The following CRYBA4 variants were observed in gnomAD, a reference collection of about 807,000 sequenced individuals.
CRYBA4 encodes beta-crystallin A4.
In CRYBA4, 30 loss-of-function variants were observed where a neutral mutation model predicts 31.7. The observed-to-expected ratio is 0.95, with a 90% CI of 0.71 to 1.28. The LOEUF (loss-of-function observed/expected upper bound fraction) is 1.28. CRYBA4 is among the 50% of genes most tolerant of loss of function. The pLI is 0.00. For missense variants in CRYBA4, 225 were observed against 260.7 expected (o/e 0.86, Z 0.94); for synonymous variants, 102 against 102.3 (o/e 1.00, Z 0.02).
chr22:26,623,447 C>T (rs1929606657), intron 3 of CRYBA4, 95 bp downstream of exon 3: 3 of 950,922 alleles, frequency 3.2e-6, no homozygotes, highest in East Asian at 2.4e-5. Flanking sequence ...GGTCCCCTCT[C>T]CCTAGGCTCT....
chr22:26,614,869 T>C, the CRYBA4 span, among the ~76,000 whole-genome samples: 2 of 152,136 alleles, frequency 1.3e-5, no homozygotes, highest in African/African-American at 4.8e-5. Flanking sequence ...TGTGTATGTG[T>C]GTATACATTT....
At chr22:26,597,747 C>T in the CRYBA4 span, among the ~76,000 whole-genome samples, 1 of 152,190 alleles carries the variant, frequency 6.6e-6, no homozygotes, top group South Asian at 2.1e-4. Context: ...TGATGTACCC[C>T]AGCTCCAGGA....
At chr22:26,609,209 A>G in the CRYBA4 span, among the ~76,000 whole-genome samples, 14 of 152,238 alleles carry the variant, frequency 9.2e-5, no homozygotes. Flanking sequence ...ATGATGGGCT[A>G]TCACCATGGG....
chr22:26,601,225 T>C, the CRYBA4 span, among the ~76,000 whole-genome samples: 3 of 152,154 alleles, frequency 2.0e-5, no homozygotes, highest in East Asian at 3.9e-4. Flanking sequence ...GCATGGTCAT[T>C]TGGAGGCAGG....
chr22:26,630,395 G>A lies in CRYBA4; in HGVS notation c.499G>A (p.Asp167Asn), dbSNP rs1379946401. ...AGGATTTCAGTATGTGCTGGAATGC[G>A]ATCACCATTCCGGTGACTACAAACA... is the stretch of plus-strand genomic sequence containing the variant. Reference protein sequence around the residue: ...YRGFQYVLECDHHSGDYKHFR... With the variant: ...YRGFQYVLECNHHSGDYKHFR... Residue 167 changes from aspartate (D) to asparagine (N), a missense_variant, in exon 6 of 6, where the codon GAT (aspartate) becomes AAT (asparagine). Coordinates refer to ENST00000354760, the MANE Select transcript of CRYBA4 (RefSeq NM_001886.3). 5 of 1,614,064 alleles carry A rather than the reference G, an allele frequency of 3.1e-6. No individual in the cohort carries two copies. Among genetic ancestry groups the A allele is most frequent in the African/African-American group, 2.7e-5 (2 of 74,954 alleles).
chr22:26,591,890 T>TAC, the CRYBA4 span, among the ~76,000 whole-genome samples: 9,083 of 135,858 alleles, frequency 0.067, 322 homozygotes, highest in South Asian at 0.084. Flanking sequence ...CCTGGGTGAG[T>TAC]ACACACACAC....
upstream of CRYBA4, chr22:26,617,891 A>G (rs1929409333): frequency 6.6e-6 from 1 of 152,496 alleles, no homozygotes; most frequent in African/African-American, 2.4e-5. Context: ...CTCTCATGGC[A>G]CTGCTATCTC....
chr22:26,627,410 T>TTCTTTC (rs1929757850), intron 4 of CRYBA4, among the ~76,000 whole-genome samples: 1 of 95,600 alleles, frequency 1.0e-5, no homozygotes, highest in Non-Finnish European at 1.9e-5. Flanking sequence ...CTTTCTTTCT[T>TTCTTTC]TCTTTCTTTC....
At chr22:26,629,615 G>A (rs767135441) in intron 5 of CRYBA4, among the ~76,000 whole-genome samples, 2 of 151,584 alleles carry the variant, frequency 1.3e-5, no homozygotes, top group Non-Finnish European at 2.9e-5. Flanking sequence ...TCGTGGCTAT[G>A]CCTCTAGTCC....
chr22:26,590,634 C>A, the CRYBA4 span, among the ~76,000 whole-genome samples: 1 of 152,134 alleles, frequency 6.6e-6, no homozygotes, highest in Non-Finnish European at 1.5e-5. Context: ...ATTTGGCAAT[C>A]TCTGAAGACA....
chr22:26,593,692 A>C, the CRYBA4 span, among the ~76,000 whole-genome samples: 1 of 151,862 alleles, frequency 6.6e-6, no homozygotes, highest in Non-Finnish European at 1.5e-5. Context: ...TGCCTGGCTA[A>C]TTTTTGTATT....
Position 26,630,514 on chromosome 22 carries a change from T to C in CRYBA4, c.*27T>C, listed in dbSNP as rs1275159984. On this transcript the variant is annotated 3_prime_UTR_variant, in exon 6 of 6. Coordinates refer to ENST00000354760, the MANE Select transcript of CRYBA4 (RefSeq NM_001886.3). The stretch of plus-strand genomic sequence containing the variant: ...CAGGGGTGCGGCACGGAGGAGCGCA[T>C]GCGTGCTTATCTGCAATGGAGGCGC... The C allele has an allele frequency of 1.2e-6, 2 of 1,603,266 alleles. No individual in the cohort carries two copies. Among genetic ancestry groups the C allele is most frequent in the Admixed American group, 1.7e-5 (1 of 59,766 alleles).
chr22:26,627,359 C>CCTTTCTTTCTTTCTTTCTTTCTTT (rs1245733367), intron 4 of CRYBA4, among the ~76,000 whole-genome samples: 2 of 41,820 alleles, frequency 4.8e-5, no homozygotes, highest in Non-Finnish European at 8.2e-5. Flanking sequence ...CTCCCTCCCT[C>CCTTTCTTTCTTTCTTTCTTTCTTT]CTTTCTTTCT....
Position 26,628,230 on chromosome 22 carries a change from G to C in CRYBA4, c.301-58G>C, listed in dbSNP as rs1298050196. On this transcript the variant is annotated intron_variant, in intron 4 of 5. Coordinates refer to ENST00000354760, the MANE Select transcript of CRYBA4 (RefSeq NM_001886.3). ...GGCAGGGAGTGTGGAGGCCAGGAGA[G>C]GCTCCTGGGTTTCCAACTGGGAGCC... is the stretch of plus-strand genomic sequence containing the variant. 36 of 1,610,882 alleles carry C rather than the reference G, an allele frequency of 2.2e-5. No individual in the cohort carries two copies. In the Middle Eastern group the frequency reaches 6.6e-4, roughly 30 times the overall value.
At chr22:26,621,943 C>A, upstream of CRYBA4, 1 of 985,620 alleles carries the variant, frequency 1.0e-6, no homozygotes, top group Non-Finnish European at 1.2e-6. Flanking sequence ...AAGAGCCCGA[C>A]CTCGGCTGGT....
the CRYBA4 span, chr22:26,601,970 T>C: frequency 4.3e-6 from 7 of 1,613,734 alleles, no homozygotes; most frequent in Non-Finnish European, 5.9e-6. Context: ...TCTATGGTGT[T>C]GCCCTTGAAG....
Position 26,624,763 on chromosome 22 carries a change from T to C in CRYBA4, c.159-718T>C, listed in dbSNP as rs947959105. Among the ~76,000 whole-genome samples the C allele has an allele frequency of 7.9e-5, 12 of 152,340 alleles. No individual in the cohort carries two copies. In the East Asian group the frequency reaches 2.1e-3, roughly 27 times the overall value. On this transcript the variant is annotated intron_variant, in intron 3 of 5. Coordinates refer to ENST00000354760, the MANE Select transcript of CRYBA4 (RefSeq NM_001886.3). ...GTGCAGCCTCCTGTGTCCCTTGTCC[T>C]ACTGGACGACACCAAAACAAAGGGG...
chr22:26,597,006 G>A, the CRYBA4 span, among the ~76,000 whole-genome samples: 7 of 152,214 alleles, frequency 4.6e-5, no homozygotes, highest in East Asian at 1.9e-4. Context: ...ATCCTGGTCC[G>A]CAGACAGCCC....
rs1227872910 is a variant in CRYBA4 at position 26,630,398 on chromosome 22, C to T, written c.502C>T (p.His168Tyr). 6.2e-7 allele frequency: 1 copy of T among 1,614,208 alleles called. No homozygotes were observed. The highest frequency in any genetic ancestry group is 1.7e-5 in the Admixed American group (1 of 60,032). ...ATTTCAGTATGTGCTGGAATGCGAT[C>T]ACCATTCCGGTGACTACAAACATTT... ...RGFQYVLECDHHSGDYKHFRE... is the reference protein window; with the variant it reads ...RGFQYVLECDYHSGDYKHFRE... Residue 168 changes from histidine to tyrosine, a missense_variant, in exon 6 of 6, where the codon CAC becomes TAC. Physicochemically the swap from His to Tyr is moderately conservative, Grantham distance 83. Transcript: ENST00000354760.
Sources: allele counts gnomAD v4.1 joint callset (sites outside exome capture counted in the v4.1 genomes callset), GRCh38; gene constraint gnomAD v4.1.1; transcripts MANE v1.5; gene names NCBI Gene and HGNC (gene_info 2026-07-23, HGNC 2026-07-21).